UBTD2: variants seen among roughly 807,000 people sequenced by gnomAD.
UBTD2 encodes the protein ubiquitin domain containing 2, also known as ubiquitin domain-containing protein 2.
A neutral mutation model predicts 19.8 loss-of-function variants in UBTD2; 9 were observed. That is an observed-to-expected ratio of 0.46 (90% confidence interval 0.27 to 0.79). The LOEUF (loss-of-function observed/expected upper bound fraction) is 0.79, where lower values mean the gene tolerates loss of function less well. Among genes scored for constraint, UBTD2 ranks in the 30% least tolerant of loss-of-function variants. The pLI is 0.14. For missense variants in UBTD2, 250 were observed against 300.4 expected, an observed-to-expected ratio of 0.83 and a Z score of 1.24; for synonymous variants, 98 against 103.9, an observed-to-expected ratio of 0.94 and a Z score of 0.35.
chr5:172,255,037 C>T, intron 1 of UBTD2: 1 of 533,552 alleles, frequency 1.9e-6, no homozygotes, highest in Non-Finnish European at 3.7e-6. Flanking sequence ...ATATTCTGTG[C>T]CAGGAGAGGG....
chr5:172,259,813 G>A (rs1397631701), intron 1 of UBTD2, among the ~76,000 whole-genome samples: 3 of 152,078 alleles, frequency 2.0e-5, no homozygotes. Context: ...CAGCACTTTG[G>A]GAGGCTGAGG....
chr5:172,264,503 T>C (rs1054509556), intron 1 of UBTD2, among the ~76,000 whole-genome samples: 3 of 148,764 alleles, frequency 2.0e-5, no homozygotes, highest in Non-Finnish European at 3.0e-5. Context: ...ATAGTGCCAC[T>C]GCACTCCAGC....
At chr5:172,249,120 G>A (rs913841833) in intron 1 of UBTD2, among the ~76,000 whole-genome samples, 1 of 152,004 alleles carries the variant, frequency 6.6e-6, no homozygotes, top group African/African-American at 2.4e-5. Context: ...TAGTGGGGCC[G>A]GGTGCAGTGG....
At chr5:172,248,788 G>GATTAAAAAAATTA (rs1176260386) in intron 1 of UBTD2, among the ~76,000 whole-genome samples, 10 of 151,134 alleles carry the variant, frequency 6.6e-5, no homozygotes, top group Non-Finnish European at 1.5e-5. Context: ...TAATTAAAAA[G>GATTAAAAAAATTA]ATTAGTTGGG....
At position 172,249,401 on chromosome 5, in the gene UBTD2, G is replaced by GA. The variant is rs756803780; in HGVS notation, c.71-15044dup. Among the ~76,000 whole-genome samples, 186 of 63,296 alleles carry GA rather than the reference G, an allele frequency of 2.9e-3. 10 individuals are homozygous for GA. Among genetic ancestry groups the GA allele is most frequent in the African/African-American group, 8.6e-3 (146 of 16,910 alleles). 41.5% of individuals were successfully genotyped at this position (63,296 alleles called of 152,430 possible). ...GTGACAGAGCAAGACTCCGTCTCAT[G>GA]AAAAAAAAAAAAAAAAAAAAAAAAA... On this transcript the variant is annotated intron_variant, in intron 1 of 2. Coordinates refer to ENST00000393792, the MANE Select transcript of UBTD2 (RefSeq NM_152277.3).
At chr5:172,224,442 G>A (rs553549290) in intron 2 of UBTD2, among the ~76,000 whole-genome samples, 2 of 151,786 alleles carry the variant, frequency 1.3e-5, no homozygotes, top group Non-Finnish European at 2.9e-5. Flanking sequence ...AGGTATGCAC[G>A]ACCATGCCTG....
At chr5:172,251,416 C>A (rs1269161683) in intron 1 of UBTD2, among the ~76,000 whole-genome samples, 16 of 138,184 alleles carry the variant, frequency 1.2e-4, no homozygotes, top group Non-Finnish European at 2.3e-4. Context: ...AGTGTCCAAT[C>A]ATATTCAATC....
At chr5:172,255,199 T>C (rs1755113709) in intron 1 of UBTD2, 1 of 438,420 alleles carries the variant, frequency 2.3e-6, no homozygotes, top group Non-Finnish European at 4.6e-6. Flanking sequence ...GAGAGAGGGG[T>C]GCAAATTCCC....
chr5:172,259,595 C>T (rs989564631), intron 1 of UBTD2, among the ~76,000 whole-genome samples: 3 of 151,760 alleles, frequency 2.0e-5, no homozygotes, highest in Admixed American at 2.0e-4. Flanking sequence ...CTGTATACAC[C>T]ATATAAATGT....
intron 1 of UBTD2, among the ~76,000 whole-genome samples, chr5:172,262,725 G>A (rs1007333294): frequency 1.2e-4 from 18 of 152,026 alleles, no homozygotes; most frequent in Non-Finnish European, 2.5e-4. Context: ...TGAGGTAGGA[G>A]AGTCGCTTGA....
rs1755767718 is a variant in UBTD2 at position 172,283,510 on chromosome 5, C to T, written c.70+86G>A. 9.2e-7 allele frequency: 1 copy of T among 1,090,106 alleles called. No individual in the cohort carries two copies. Among genetic ancestry groups the T allele is most frequent in the Admixed American group, 4.4e-5 (1 of 22,874 alleles). 67.5% of individuals were successfully genotyped at this position (1,090,106 alleles called of 1,614,324 possible). On this transcript the variant is annotated intron_variant, in intron 1 of 2. Coordinates refer to ENST00000393792, the MANE Select transcript of UBTD2 (RefSeq NM_152277.3). The surrounding 1 kb of genome is among the most constrained non-coding windows in gnomAD (Gnocchi z 4.3). ...GGGATGACAAAGGGGCGCGGGGGCC[C>T]GGCGCGGCCCGCGGGGGTCGGGACA...
rs551388301 is a variant in UBTD2 at position 172,210,001 on chromosome 5, C to G, written c.*1829G>C. On this transcript the variant is annotated 3_prime_UTR_variant, in exon 3 of 3. Coordinates refer to ENST00000393792, the MANE Select transcript of UBTD2 (RefSeq NM_152277.3). ...AAGTGCTGCTATTCGATGTGGCACA[C>G]AAATGAACAAAAACTTTGATGACAG... 6.6e-6 allele frequency: 1 copy of G among 152,196 alleles called. No individual in the cohort carries two copies. Among genetic ancestry groups the G allele is most frequent in the East Asian group, 1.9e-4 (1 of 5,188 alleles). The allele number at this position is 152,196 out of a possible 1,614,324, so 9.4% of individuals were successfully genotyped here.
chr5:172,209,813 G>A lies in UBTD2; in HGVS notation c.*2017C>T, dbSNP rs1771402853. 2 of 152,414 alleles carry A rather than the reference G, an allele frequency of 1.3e-5. No homozygotes were observed. The highest frequency in any genetic ancestry group is 4.8e-5 in the African/African-American group (2 of 41,386). 9.4% of individuals were successfully genotyped at this position (152,414 alleles called of 1,614,324 possible). A position where few individuals can be genotyped will look rare whatever the true frequency, so the allele number is the denominator to read the frequency against. Reference sequence around the variant, plus strand: ...CATGCCCAGAGAATTGTTATTCAAAGCATATGTTCCTTTAAAATAAAATAA... The same window carrying A: ...CATGCCCAGAGAATTGTTATTCAAAACATATGTTCCTTTAAAATAAAATAA... On this transcript the variant is annotated 3_prime_UTR_variant, in exon 3 of 3. Coordinates refer to ENST00000393792, the MANE Select transcript of UBTD2 (RefSeq NM_152277.3).
At chr5:172,215,573 C>CA (rs747811051) in intron 2 of UBTD2, among the ~76,000 whole-genome samples, 47 of 151,926 alleles carry the variant, frequency 3.1e-4, no homozygotes, top group Non-Finnish European at 5.4e-4. Flanking sequence ...TACCAAAAGG[C>CA]AAAAAAACAG....
At chr5:172,233,093 G>C (rs1771937395) in intron 2 of UBTD2, among the ~76,000 whole-genome samples, 1 of 152,126 alleles carries the variant, frequency 6.6e-6, no homozygotes, top group Admixed American at 6.6e-5. Flanking sequence ...AGCCTGCTGG[G>C]CGACAGAGCA....
At chr5:172,266,059 G>A (rs1192475308) in intron 1 of UBTD2, among the ~76,000 whole-genome samples, 3 of 151,608 alleles carry the variant, frequency 2.0e-5, no homozygotes, top group East Asian at 1.9e-4. Context: ...TCAGCCTCCC[G>A]AGTAGCTGGG....
chr5:172,274,473 T>C (rs66855331), intron 1 of UBTD2, among the ~76,000 whole-genome samples: 10,592 of 152,080 alleles, frequency 0.07, 412 homozygotes, highest in South Asian at 0.12. Context: ...AACCAAAGAA[T>C]AGAAGCATAA....
intron 1 of UBTD2, among the ~76,000 whole-genome samples, chr5:172,265,297 T>C (rs1247259766): frequency 1.3e-5 from 2 of 152,210 alleles, no homozygotes; most frequent in Non-Finnish European, 2.9e-5. Context: ...AATAAAATAA[T>C]TTCACCCAAA....
chr5:172,224,447 T>C (rs891499792), intron 2 of UBTD2, among the ~76,000 whole-genome samples: 3 of 151,990 alleles, frequency 2.0e-5, no homozygotes, highest in East Asian at 3.9e-4. Flanking sequence ...TGCACGACCA[T>C]GCCTGGCTAA....
Sources: gnomAD v4.1 joint callset for allele counts (sites outside exome capture counted in the v4.1 genomes callset) on GRCh38, gnomAD v4.1.1 for gene constraint, Gnocchi (gnomAD v3.1) non-coding constraint, MANE v1.5 for transcripts, NCBI Gene and HGNC (gene_info 2026-07-23, HGNC 2026-07-21) for gene names.